The following RAD51B variants were observed in gnomAD, a reference collection of about 807,000 sequenced individuals.
RAD51B encodes the protein RAD51 paralog B, also known as DNA repair protein RAD51 homolog 2.
In RAD51B, 38 loss-of-function variants were observed where a neutral mutation model predicts 42.2. The observed-to-expected ratio is 0.90, with a 90% confidence interval of 0.70 to 1.18. The LOEUF (loss-of-function observed/expected upper bound fraction) is 1.18. Among genes scored for constraint, RAD51B ranks in the 50% most tolerant of loss-of-function variants. The pLI, the probability that RAD51B is intolerant of heterozygous loss-of-function variation, is 0.00. For missense variants in RAD51B, 373 were observed against 400.7 expected (o/e 0.93, Z 0.59); for synonymous variants, 154 against 145.2 (o/e 1.06, Z -0.43).
chr14:68,428,189 A>C (rs1011612914), intron 9 of RAD51B, among the ~76,000 whole-genome samples: 1 of 152,226 alleles, frequency 6.6e-6, no homozygotes, highest in Admixed American at 6.5e-5. Flanking sequence ...GTATTCAGTT[A>C]TAGCAGCACA....
chr14:68,286,286 A>G (rs1405905424), intron 7 of RAD51B, among the ~76,000 whole-genome samples: 4 of 152,224 alleles, frequency 2.6e-5, no homozygotes, highest in African/African-American at 9.6e-5. Flanking sequence ...TGGGGATTAC[A>G]AAATTTGCCT....
intron 7 of RAD51B, among the ~76,000 whole-genome samples, chr14:68,148,845 G>C (rs1247874411): frequency 6.6e-6 from 1 of 152,164 alleles, no homozygotes; most frequent in Admixed American, 6.5e-5. Context: ...AGTGTTCTGA[G>C]CATGTTTAAG....
intron 8 of RAD51B, among the ~76,000 whole-genome samples, chr14:68,382,174 C>T (rs539297710): frequency 6.6e-6 from 1 of 152,320 alleles, no homozygotes; most frequent in East Asian, 1.9e-4. Context: ...CGTTTTGTGC[C>T]AAATTATTCT....
chr14:68,535,816 A>G (rs559005816), intron 10 of RAD51B, among the ~76,000 whole-genome samples: 5 of 152,178 alleles, frequency 3.3e-5, no homozygotes, highest in African/African-American at 4.8e-5. Context: ...AGTGAGATAC[A>G]TGCTCACTAG....
chr14:68,059,027 C>T (rs1232575202), intron 7 of RAD51B, among the ~76,000 whole-genome samples: 1 of 152,138 alleles, frequency 6.6e-6, no homozygotes, highest in Non-Finnish European at 1.5e-5. Flanking sequence ...AGCCTCCACC[C>T]TCCTAACTTT....
At chr14:67,988,843 A>G (rs922453666) in intron 7 of RAD51B, among the ~76,000 whole-genome samples, 27 of 152,304 alleles carry the variant, frequency 1.8e-4, no homozygotes, top group African/African-American at 5.5e-4. Flanking sequence ...GACTATTATA[A>G]TGTGGTTTGT....
intron 10 of RAD51B, among the ~76,000 whole-genome samples, chr14:68,525,943 A>G (rs1421563784): frequency 6.6e-6 from 1 of 152,174 alleles, no homozygotes; most frequent in Non-Finnish European, 1.5e-5. Context: ...CCACCATTCC[A>G]TCACATGAAC....
chr14:68,587,619 C>G (rs1342792407), intron 10 of RAD51B, among the ~76,000 whole-genome samples: 1 of 151,922 alleles, frequency 6.6e-6, no homozygotes, highest in Admixed American at 6.6e-5. Context: ...CACATCCATC[C>G]CCCCCGAGAT....
chr14:68,277,778 A>T (rs1342846718), intron 7 of RAD51B, among the ~76,000 whole-genome samples: 3 of 152,056 alleles, frequency 2.0e-5, no homozygotes, highest in African/African-American at 7.2e-5. Context: ...TCGCTTTGTC[A>T]TCCAGGCTGG....
At chr14:67,972,333 A>G (rs1214191224) in intron 7 of RAD51B, among the ~76,000 whole-genome samples, 1 of 152,010 alleles carries the variant, frequency 6.6e-6, no homozygotes, top group Non-Finnish European at 1.5e-5. Context: ...CAGCTCTACT[A>G]TCTGAACACC....
chr14:67,893,760 A>ACCC (rs1249487472), intron 7 of RAD51B, among the ~76,000 whole-genome samples: 1 of 152,188 alleles, frequency 6.6e-6, no homozygotes, highest in African/African-American at 2.4e-5. Flanking sequence ...GGTAGTCATA[A>ACCC]AGAAATGGCA....
intron 3 of RAD51B, among the ~76,000 whole-genome samples, chr14:67,826,941 C>T (rs1473707215): frequency 6.6e-6 from 1 of 152,154 alleles, no homozygotes; most frequent in Non-Finnish European, 1.5e-5. Flanking sequence ...CCTCGGCCTC[C>T]CCAAGTGCTG....
chr14:67,918,594 G>A (rs2044230390), intron 7 of RAD51B, among the ~76,000 whole-genome samples: 1 of 152,196 alleles, frequency 6.6e-6, no homozygotes, highest in Non-Finnish European at 1.5e-5. Flanking sequence ...AAGGACATCT[G>A]TTTCTAAATT....
chr14:68,523,333 T>G (rs1386331452), intron 10 of RAD51B, among the ~76,000 whole-genome samples: 1 of 151,630 alleles, frequency 6.6e-6, no homozygotes, highest in East Asian at 1.9e-4. Context: ...AGGCGCAGAG[T>G]GGAAAGTGGA....
chr14:68,373,698 A>G (rs2083306507), intron 8 of RAD51B, among the ~76,000 whole-genome samples: 1 of 152,216 alleles, frequency 6.6e-6, no homozygotes, highest in African/African-American at 2.4e-5. Context: ...TGATGGGTTG[A>G]TGGGTGCAGC....
At chr14:68,391,063 A>G (rs1458627739) in intron 8 of RAD51B, among the ~76,000 whole-genome samples, 1 of 152,240 alleles carries the variant, frequency 6.6e-6, no homozygotes, top group Non-Finnish European at 1.5e-5. Context: ...TCAAAAGTTC[A>G]GTTTAGGATA....
chr14:68,178,729 A>T (rs1431039904), intron 7 of RAD51B, among the ~76,000 whole-genome samples: 2 of 152,190 alleles, frequency 1.3e-5, no homozygotes, highest in Middle Eastern at 3.2e-3. Context: ...GAGAGAAGGG[A>T]GTTCTCAGTA....
chr14:68,277,982 A>T (rs2081256051), intron 7 of RAD51B, among the ~76,000 whole-genome samples: 1 of 152,196 alleles, frequency 6.6e-6, no homozygotes, highest in Non-Finnish European at 1.5e-5. Context: ...GACTAAAATG[A>T]TCTGCCCGTC....
chr14:68,559,774 G>T (rs950952566), intron 10 of RAD51B, among the ~76,000 whole-genome samples: 11 of 152,128 alleles, frequency 7.2e-5, no homozygotes, highest in Non-Finnish European at 1.5e-4. Context: ...TAAAGCAATG[G>T]CAGGAAAGGT....
Sources: allele counts gnomAD v4.1 joint callset (sites outside exome capture counted in the v4.1 genomes callset), GRCh38; gene constraint gnomAD v4.1.1; transcripts MANE v1.5; gene names NCBI Gene and HGNC (gene_info 2026-07-23, HGNC 2026-07-21).